Variants in RSRC1 observed in about 807,000 individuals in gnomAD.
RSRC1 encodes serine/Arginine-related protein 53.
In RSRC1, 39 loss-of-function variants were observed where a neutral mutation model predicts 49.1. The observed-to-expected ratio is 0.79, with a 90% CI of 0.61 to 1.04. RSRC1 has a LOEUF of 1.04. Among genes scored for constraint, RSRC1 ranks in the 50% least tolerant of loss-of-function variants. The pLI is 0.00. For synonymous variants in RSRC1, 143 were observed against 130.8 expected, an observed-to-expected ratio of 1.09 and a Z score of -0.63; for missense variants, 388 against 402.4, an observed-to-expected ratio of 0.96 and a Z score of 0.31.
intron 6 of RSRC1, among the ~76,000 whole-genome samples, chr3:158,392,421 C>T (rs1733361811): frequency 6.6e-6 from 1 of 152,040 alleles, no homozygotes; most frequent in Non-Finnish European, 1.5e-5. Flanking sequence ...GGCTACTTCA[C>T]ACCTAACATT....
chr3:158,364,628 G>GT (rs1178571455), intron 6 of RSRC1, among the ~76,000 whole-genome samples: 1 of 151,888 alleles, frequency 6.6e-6, no homozygotes, highest in Admixed American at 6.6e-5. Context: ...AACACTTAGA[G>GT]CAGTACCTGA....
intron 4 of RSRC1, chr3:158,225,631 A>G (rs1267536958): frequency 2.3e-6 from 1 of 440,612 alleles, no homozygotes; most frequent in Non-Finnish European, 4.5e-6. Flanking sequence ...AGGTATATTA[A>G]TGAGTTATTT....
At chr3:158,208,226 G>A (rs1301848757) in intron 4 of RSRC1, among the ~76,000 whole-genome samples, 1 of 151,322 alleles carries the variant, frequency 6.6e-6, no homozygotes, top group African/African-American at 2.4e-5. Context: ...TTTCTTTTTT[G>A]TTTTCCCCCC....
chr3:158,337,205 C>T (rs1559999456), intron 5 of RSRC1, among the ~76,000 whole-genome samples: 1 of 152,232 alleles, frequency 6.6e-6, no homozygotes, highest in Non-Finnish European at 1.5e-5. Flanking sequence ...AGACATTCCA[C>T]ATCCTCATTC....
rs1464012460 is a variant in RSRC1, at chr3:158,239,359, G to C, written c.494+36114G>C. On this transcript the variant is annotated intron_variant, in intron 4 of 9. Coordinates refer to ENST00000611884, the MANE Select transcript of RSRC1 (RefSeq NM_001271838.2). The stretch of plus-strand genomic sequence containing the variant: ...ATTTGACACCGCAATTCCATTACTG[G>C]GTGTATACCCAAAGGATTATAAATC... Among the ~76,000 whole-genome samples the C allele has an allele frequency of 4.6e-5, 7 of 152,062 alleles. No individual in the cohort carries two copies. The East Asian group carries it at 1.3e-3, about 29-fold the overall frequency.
intron 3 of RSRC1, among the ~76,000 whole-genome samples, chr3:158,199,708 A>AT: frequency 6.6e-6 from 1 of 152,156 alleles, no homozygotes; most frequent in South Asian, 2.1e-4. Context: ...CATATGTTGT[A>AT]TTTTTCATTT....
Position 158,123,964 on chromosome 3 carries a change from G to C in RSRC1, c.293G>C (p.Arg98Thr). 6.2e-7 allele frequency: 1 copy of C among 1,606,174 alleles called. No homozygotes were observed. The highest frequency in any genetic ancestry group is 8.5e-7 in the Non-Finnish European group (1 of 1,176,028). Residue 98 changes from arginine to threonine, a missense_variant, in exon 3 of 10, where the codon AGG becomes ACG. Transcript: ENST00000611884. ...CGAGGGAAATCCTATAGAGTTCAGA[G>C]GTCTAGGTCAAAAAGCAGAACAAGA... ...RGRGKSYRVQ[R>T]SRSKSRTRRS...
chr3:158,194,758 G>C (rs753315842), intron 3 of RSRC1, among the ~76,000 whole-genome samples: 4 of 147,208 alleles, frequency 2.7e-5, no homozygotes, highest in Non-Finnish European at 4.4e-5. Context: ...TTGGTTTTTT[G>C]TCCTTGCGAT....
chr3:158,373,290 A>G (rs1019036119), intron 6 of RSRC1, among the ~76,000 whole-genome samples: 2 of 151,926 alleles, frequency 1.3e-5, no homozygotes, highest in African/African-American at 4.8e-5. Context: ...AAGAGTGGAT[A>G]TCCTTCATTT....
At chr3:158,531,158 G>T in intron 7 of RSRC1, among the ~76,000 whole-genome samples, 1 of 151,010 alleles carries the variant, frequency 6.6e-6, no homozygotes, top group Admixed American at 6.6e-5. Flanking sequence ...CTCTAGCTGG[G>T]GAGAAGAAGC....
intron 6 of RSRC1, among the ~76,000 whole-genome samples, chr3:158,401,810 G>T (rs531752143): frequency 6.6e-6 from 1 of 151,890 alleles, no homozygotes; most frequent in Non-Finnish European, 1.5e-5. Flanking sequence ...AAATTACCTT[G>T]AATTTCAGTT....
rs991371813 is a variant in RSRC1 at position 158,217,499 on chromosome 3, G to A, written c.494+14254G>A. Among the ~76,000 whole-genome samples the A allele has an allele frequency of 9.9e-5, 15 of 151,748 alleles. 1 individual carries two copies. In the South Asian group the frequency reaches 2.5e-3, roughly 25 times the overall value. ...CAATATTCTGGGATTGAAGAGGAAA[G>A]CATTTTAGTATAATTCTAAATTATG... On this transcript the variant is annotated intron_variant, in intron 4 of 9. Coordinates refer to ENST00000611884, the MANE Select transcript of RSRC1 (RefSeq NM_001271838.2).
intron 7 of RSRC1, among the ~76,000 whole-genome samples, chr3:158,513,168 G>A (rs982643727): frequency 2.0e-5 from 3 of 149,840 alleles, no homozygotes; most frequent in Admixed American, 2.0e-4. Flanking sequence ...TAGGAGTGGT[G>A]AGAGAGGGCA....
At chr3:158,271,265 G>T (rs1027884178) in intron 4 of RSRC1, among the ~76,000 whole-genome samples, 3 of 152,116 alleles carry the variant, frequency 2.0e-5, no homozygotes, top group Non-Finnish European at 4.4e-5. Flanking sequence ...TGGAGATTAT[G>T]ATTTACATAG....
At chr3:158,366,141 T>C (rs1427591015) in intron 6 of RSRC1, among the ~76,000 whole-genome samples, 1 of 152,226 alleles carries the variant, frequency 6.6e-6, no homozygotes, top group African/African-American at 2.4e-5. Context: ...GCAGAAGCTC[T>C]TTAGTTTAAT....
At chr3:158,362,444 TGTAA>T (rs943099452) in intron 6 of RSRC1, among the ~76,000 whole-genome samples, 24 of 152,364 alleles carry the variant, frequency 1.6e-4, no homozygotes, top group African/African-American at 5.3e-4. Context: ...GTTAATCTTT[TGTAA>T]GTAAGTCATT....
chr3:158,148,112 T>A (rs954046473), intron 3 of RSRC1, among the ~76,000 whole-genome samples: 9 of 152,202 alleles, frequency 5.9e-5, no homozygotes, highest in Non-Finnish European at 1.3e-4. Flanking sequence ...TGATGTATAC[T>A]TACCTATTAT....
chr3:158,396,578 T>C (rs575455036), intron 6 of RSRC1, among the ~76,000 whole-genome samples: 1 of 152,188 alleles, frequency 6.6e-6, no homozygotes, highest in Non-Finnish European at 1.5e-5. Context: ...CAAGTTCACA[T>C]CACAATATTT....
At chr3:158,469,116 C>A (rs1026921763) in intron 7 of RSRC1, among the ~76,000 whole-genome samples, 4 of 152,090 alleles carry the variant, frequency 2.6e-5, no homozygotes, top group African/African-American at 9.7e-5. Context: ...TATCACCCAA[C>A]AGGTCTAGCT....
Sources: gnomAD v4.1 joint callset for allele counts (sites outside exome capture counted in the v4.1 genomes callset) on GRCh38, gnomAD v4.1.1 for gene constraint, MANE v1.5 for transcripts, NCBI Gene and HGNC (gene_info 2026-07-23, HGNC 2026-07-21) for gene names.